Variants in SAMD4A observed in about 807,000 individuals in gnomAD.
The protein encoded by SAMD4A is sterile alpha motif domain containing 4A.
A neutral mutation model predicts 81.3 loss-of-function variants in SAMD4A; 33 were observed. That is an observed-to-expected ratio of 0.41 (90% CI 0.31 to 0.54). The LOEUF (loss-of-function observed/expected upper bound fraction) is 0.54. Among genes scored for constraint, SAMD4A ranks in the 20% least tolerant of loss-of-function variants. SAMD4A has a pLI of 0.37. For synonymous variants in SAMD4A, 389 were observed against 382.1 expected (o/e 1.02, Z -0.21); for missense variants, 854 against 951.1 (o/e 0.90, Z 1.34).
chr14:54,607,478 C>T (rs1194905244), intron 2 of SAMD4A, among the ~76,000 whole-genome samples: 2 of 144,388 alleles, frequency 1.4e-5, no homozygotes, highest in East Asian at 2.2e-4. Context: ...TTTTTTTAGA[C>T]GGAGTCTTGC....
intron 9 of SAMD4A, among the ~76,000 whole-genome samples, chr14:54,773,264 GCT>G (rs2038752246): frequency 6.6e-6 from 1 of 152,142 alleles, no homozygotes. Flanking sequence ...TACAGGCACA[GCT>G]CTCTTTCTCA....
At chr14:54,753,514 C>T (rs1326792093) in intron 6 of SAMD4A, among the ~76,000 whole-genome samples, 1 of 152,216 alleles carries the variant, frequency 6.6e-6, no homozygotes. Flanking sequence ...AACAACATCT[C>T]AGCAAAGCAA....
chr14:54,741,339 A>G (rs148067620), intron 4 of SAMD4A, among the ~76,000 whole-genome samples: 107 of 152,366 alleles, frequency 7.0e-4, no homozygotes, highest in African/African-American at 2.4e-3. Flanking sequence ...TCCCACTTAC[A>G]TTAGCACCAT....
intron 2 of SAMD4A, among the ~76,000 whole-genome samples, chr14:54,669,107 C>G (rs1018940544): frequency 6.6e-6 from 1 of 152,230 alleles, no homozygotes; most frequent in African/African-American, 2.4e-5. Flanking sequence ...GAAGGAGGCG[C>G]AGCCACAGGG....
intron 11 of SAMD4A, among the ~76,000 whole-genome samples, chr14:54,782,040 G>C (rs2039011251): frequency 6.6e-6 from 1 of 152,216 alleles, no homozygotes; most frequent in Non-Finnish European, 1.5e-5. Context: ...GAGCTGGGGA[G>C]AAGAAGCGAA....
At chr14:54,571,071 G>A (rs113325608) in intron 2 of SAMD4A, among the ~76,000 whole-genome samples, 1,768 of 152,200 alleles carry the variant, frequency 0.012, 34 homozygotes, top group African/African-American at 0.04. Context: ...TATATCTCTC[G>A]TTTTATGCAG....
At chr14:54,587,910 T>C (rs2033669134) in intron 2 of SAMD4A, among the ~76,000 whole-genome samples, 1 of 152,224 alleles carries the variant, frequency 6.6e-6, no homozygotes, top group Non-Finnish European at 1.5e-5. Flanking sequence ...ATAGAATGAT[T>C]AGGGAGGATT....
intron 2 of SAMD4A, among the ~76,000 whole-genome samples, chr14:54,578,187 G>A (rs17127632): frequency 0.076 from 11,634 of 152,160 alleles, 476 homozygotes; most frequent in Admixed American, 0.098. Flanking sequence ...CTCTGGCTTC[G>A]GAACCACCCC....
intron 2 of SAMD4A, among the ~76,000 whole-genome samples, chr14:54,596,699 G>A (rs147892114): frequency 3.9e-5 from 6 of 152,220 alleles, no homozygotes; most frequent in Non-Finnish European, 8.8e-5. Flanking sequence ...GGGAGCCGAC[G>A]GGGAGATGCC....
At chr14:54,685,681 T>C (rs2036249418) in intron 2 of SAMD4A, 1 of 456,560 alleles carries the variant, frequency 2.2e-6, no homozygotes, top group Non-Finnish European at 4.4e-6. Flanking sequence ...CCCAGCTCTC[T>C]TCAGTGGTGG....
intron 2 of SAMD4A, among the ~76,000 whole-genome samples, chr14:54,675,889 G>C (rs966592615): frequency 6.6e-6 from 1 of 152,190 alleles, no homozygotes; most frequent in Non-Finnish European, 1.5e-5. Context: ...TGCTCGTGAG[G>C]TTTGGAAAAC....
At chr14:54,617,483 G>A (rs1466803857) in intron 2 of SAMD4A, among the ~76,000 whole-genome samples, 4 of 149,978 alleles carry the variant, frequency 2.7e-5, no homozygotes, top group Admixed American at 2.7e-4. Flanking sequence ...TTTTTTTTCA[G>A]AGAAAAGTGG....
chr14:54,643,937 G>A (rs2035228613), intron 2 of SAMD4A, among the ~76,000 whole-genome samples: 1 of 152,182 alleles, frequency 6.6e-6, no homozygotes, highest in African/African-American at 2.4e-5. Context: ...GGGAGAGAAG[G>A]GCTTCACACT....
At chr14:54,765,042 G>A (rs1045068573) in intron 8 of SAMD4A, among the ~76,000 whole-genome samples, 2 of 152,218 alleles carry the variant, frequency 1.3e-5, no homozygotes, top group African/African-American at 4.8e-5. Flanking sequence ...GAGGAGGCCT[G>A]AGGCAGGCTG....
chr14:54,567,600 G>C lies in SAMD4A; in HGVS notation c.-317G>C, dbSNP rs898684069. The C allele has an allele frequency of 6.1e-5, 21 of 346,692 alleles. No individual in the cohort carries two copies. The highest frequency in any genetic ancestry group is 2.3e-4 in the East Asian group (3 of 12,984). The allele number at this position is 346,692 out of a possible 1,614,324, so 21.5% of individuals were successfully genotyped here. ...ATCACCATCCCAAAGCTGCAAGAAG[G>C]GGGGAGAAAGCATTCTTCATTCAGT... On this transcript the variant is annotated 5_prime_UTR_variant, in exon 2 of 13. Coordinates refer to ENST00000554335, the MANE Select transcript of SAMD4A (RefSeq NM_015589.6).
At chr14:54,654,243 A>G (rs923477259) in intron 2 of SAMD4A, among the ~76,000 whole-genome samples, 9 of 152,194 alleles carry the variant, frequency 5.9e-5, no homozygotes, top group Admixed American at 6.5e-5. Context: ...TGTGTCCTGA[A>G]CTCTGCCCAG....
intron 4 of SAMD4A, among the ~76,000 whole-genome samples, chr14:54,741,294 A>G (rs1263246806): frequency 6.6e-6 from 1 of 152,222 alleles, no homozygotes; most frequent in Non-Finnish European, 1.5e-5. Flanking sequence ...TCCTGGAGAG[A>G]AAGTATAGAA....
intron 11 of SAMD4A, among the ~76,000 whole-genome samples, chr14:54,782,588 G>A (rs995538762): frequency 6.6e-6 from 1 of 152,166 alleles, no homozygotes. Context: ...GTCGGCCTCC[G>A]TCTGCTCACG....
At chr14:54,594,720 A>G (rs903239203) in intron 2 of SAMD4A, among the ~76,000 whole-genome samples, 1 of 152,258 alleles carries the variant, frequency 6.6e-6, no homozygotes, top group African/African-American at 2.4e-5. Context: ...AGTCACTACT[A>G]CAAGATGACT....
Sources: allele counts gnomAD v4.1 joint callset (sites outside exome capture counted in the v4.1 genomes callset), GRCh38; gene constraint gnomAD v4.1.1; transcripts MANE v1.5; gene names NCBI Gene and HGNC (gene_info 2026-07-23, HGNC 2026-07-21).